The following GFPT1 variants were observed in gnomAD, a reference collection of about 807,000 sequenced individuals.
GFPT1 encodes glutamine--fructose-6-phosphate transaminase 1, also known as glutamine--fructose-6-phosphate aminotransferase [isomerizing] 1.
Under a neutral mutation model 92.0 loss-of-function variants are expected in GFPT1, and 40 were observed. The observed-to-expected ratio is 0.43, with a 90% CI of 0.34 to 0.57. The LOEUF is 0.57. Ranked by LOEUF, GFPT1 falls within the 20% of genes least tolerant of loss-of-function variation. GFPT1 has a pLI of 0.02. For synonymous variants in GFPT1, 269 were observed against 280.6 expected, an observed-to-expected ratio of 0.96 and a Z score of 0.41; for missense variants, 448 against 869.1, an observed-to-expected ratio of 0.52 and a Z score of 6.09.
chr2:69,359,342 G>C lies in GFPT1; in HGVS notation c.350-16C>G. On this transcript the variant is annotated splice_polypyrimidine_tract_variant and intron_variant, in intron 4 of 19. Transcript: ENST00000357308. ...ACGATAAATTCTAAAAGAGGTAAAAGTGTTGAAGACAAAAAAGTTAGAAGT... is the reference window on the plus strand; with the variant it reads ...ACGATAAATTCTAAAAGAGGTAAAACTGTTGAAGACAAAAAAGTTAGAAGT... 6.9e-7 allele frequency: 1 copy of C among 1,452,704 alleles called. No homozygotes were observed. The highest frequency in any genetic ancestry group is 9.7e-7 in the Non-Finnish European group (1 of 1,034,734). The allele number at this position is 1,452,704 out of a possible 1,614,324, so 90.0% of individuals were successfully genotyped here. A position where few individuals can be genotyped will look rare whatever the true frequency, so the allele number is the denominator to read the frequency against.
intron 1 of GFPT1, among the ~76,000 whole-genome samples, chr2:69,379,343 G>A (rs1323366590): frequency 6.6e-6 from 1 of 152,046 alleles, no homozygotes; most frequent in Non-Finnish European, 1.5e-5. Context: ...GGGCAATACA[G>A]GGAGACCCTG....
intron 15 of GFPT1, among the ~76,000 whole-genome samples, chr2:69,337,191 G>C (rs66780037): frequency 0.38 from 57,747 of 151,128 alleles, 11,297 homozygotes; most frequent in Middle Eastern, 0.43. Context: ...CAGCCTCCCG[G>C]GTATGCTGGG....
chr2:69,352,961 G>T (rs923724408), intron 9 of GFPT1, among the ~76,000 whole-genome samples: 1 of 152,072 alleles, frequency 6.6e-6, no homozygotes, highest in African/African-American at 2.4e-5. Flanking sequence ...CATGAGACTC[G>T]CTTGAACCCG....
chr2:69,380,136 G>A (rs1046665764), intron 1 of GFPT1, among the ~76,000 whole-genome samples: 1 of 151,898 alleles, frequency 6.6e-6, no homozygotes, highest in Non-Finnish European at 1.5e-5. Context: ...TCAGGAGTTC[G>A]AGATCAGCCT....
rs139605339 is a variant in GFPT1 at position 69,327,757 on chromosome 2, C to G, written c.1893+514G>C. On this transcript the variant is annotated intron_variant, in intron 18 of 19. Coordinates refer to ENST00000357308, the MANE Select transcript of GFPT1 (RefSeq NM_001244710.2). ...GGATGTGGAGACCAAGACCTCAGTTCTGGTCTTGGTTCTGCCCAATATGAG... is the reference window on the plus strand; with the variant it reads ...GGATGTGGAGACCAAGACCTCAGTTGTGGTCTTGGTTCTGCCCAATATGAG... 5.4e-3 allele frequency among the ~76,000 whole-genome samples: 824 copies of G among 152,258 alleles called. 6 individuals are homozygous for G. The highest frequency in any genetic ancestry group is 0.019 in the African/African-American group (790 of 41,550).
intron 12 of GFPT1, among the ~76,000 whole-genome samples, chr2:69,345,252 A>G (rs1671056010): frequency 6.6e-6 from 1 of 152,070 alleles, no homozygotes; most frequent in African/African-American, 2.4e-5. Flanking sequence ...GCAAAACTCC[A>G]TCCTAAAAAA....
At chr2:69,345,653 C>A (rs929262256) in intron 12 of GFPT1, among the ~76,000 whole-genome samples, 10 of 152,178 alleles carry the variant, frequency 6.6e-5, no homozygotes, top group African/African-American at 2.2e-4. Flanking sequence ...CAGTGACTCC[C>A]CATTTCCCCT....
chr2:69,366,161 T>C (rs1287457650), intron 3 of GFPT1, among the ~76,000 whole-genome samples: 1 of 152,208 alleles, frequency 6.6e-6, no homozygotes, highest in Non-Finnish European at 1.5e-5. Context: ...AGTATCTCCT[T>C]GCACATGCTG....
chr2:69,374,146 T>A (rs779228228), intron 1 of GFPT1, 33 bp from the exon 2 acceptor site: 2 of 1,081,232 alleles, frequency 1.8e-6, no homozygotes, highest in East Asian at 4.8e-5. Flanking sequence ...TGAAAAATTC[T>A]GATTTAAAAA....
At chr2:69,385,626 G>A (rs1419201148) in intron 1 of GFPT1, among the ~76,000 whole-genome samples, 2 of 151,516 alleles carry the variant, frequency 1.3e-5, no homozygotes, top group Non-Finnish European at 2.9e-5. Context: ...TTGAGTACTT[G>A]ATGAGGCACA....
chr2:69,322,456 T>A lies in GFPT1; in HGVS notation c.*3733A>T, dbSNP rs917212710. On this transcript the variant is annotated 3_prime_UTR_variant, in exon 20 of 20. Coordinates refer to ENST00000357308, the MANE Select transcript of GFPT1 (RefSeq NM_001244710.2). ...TGTTAAAGCAAACATTTCAGTTGGT[T>A]TCCTTTCTTTGAAGAATAATAGAAA... The A allele has an allele frequency of 6.6e-6, 1 of 152,112 alleles. No homozygotes were observed. Among genetic ancestry groups the A allele is most frequent in the African/African-American group, 2.4e-5 (1 of 41,420 alleles). The allele number at this position is 152,112 out of a possible 1,614,324, so 9.4% of individuals were successfully genotyped here.
At chr2:69,365,324 T>C (rs530145649) in intron 3 of GFPT1, among the ~76,000 whole-genome samples, 131 of 152,022 alleles carry the variant, frequency 8.6e-4, no homozygotes, top group African/African-American at 3.1e-3. Context: ...CTGAAAAAAT[T>C]AGCTGGGCGT....
intron 3 of GFPT1, among the ~76,000 whole-genome samples, chr2:69,367,585 A>T (rs7589430): frequency 0.67 from 101,428 of 152,028 alleles, 35,488 homozygotes; most frequent in African/African-American, 0.9. Context: ...GGTCTCAAAC[A>T]CCAGAGCTCA....
chr2:69,360,907 G>C (rs988412106), intron 4 of GFPT1, among the ~76,000 whole-genome samples: 1 of 151,894 alleles, frequency 6.6e-6, no homozygotes, highest in Non-Finnish European at 1.5e-5. Context: ...GCTAATTTTT[G>C]TATTTTTAAT....
intron 3 of GFPT1, among the ~76,000 whole-genome samples, chr2:69,367,344 T>TTGTTG (rs1553392925): frequency 1.9e-4 from 28 of 150,360 alleles, no homozygotes; most frequent in African/African-American, 6.4e-4. Context: ...CAACTTATTT[T>TTGTTG]TTGTTGTTGT....
chr2:69,331,910 AT>A (rs1216003950), intron 15 of GFPT1, among the ~76,000 whole-genome samples: 1 of 152,124 alleles, frequency 6.6e-6, no homozygotes, highest in Non-Finnish European at 1.5e-5. Context: ...TGTCTCAAAT[AT>A]TTTTTCTCAT....
intron 7 of GFPT1, among the ~76,000 whole-genome samples, 160 bp from the exon 8 acceptor site, chr2:69,354,728 A>G (rs1213728576): frequency 2.0e-5 from 3 of 151,990 alleles, no homozygotes; most frequent in African/African-American, 7.3e-5. Flanking sequence ...TAAAAAAATC[A>G]GTATTGGGCC....
rs2104637969 is a variant in GFPT1, at chr2:69,349,492, A to C, written c.845+586T>G. ...TTTCTTATTTTTATTATTTTCTCTT[A>C]TTTTCAGGTACAGTGGATGACTCAA... On this transcript the variant is annotated intron_variant, in intron 10 of 19. Coordinates refer to ENST00000357308, the MANE Select transcript of GFPT1 (RefSeq NM_001244710.2). 3.3e-5 allele frequency among the ~76,000 whole-genome samples: 5 copies of C among 152,070 alleles called. No homozygotes were observed. In the Middle Eastern group the frequency reaches 0.014, roughly 417 times the overall value.
At chr2:69,355,473 TCTTTTACTTATTTTCTGCAG>T (rs1490407895) in intron 7 of GFPT1, among the ~76,000 whole-genome samples, 1 of 152,170 alleles carries the variant, frequency 6.6e-6, no homozygotes, top group East Asian at 1.9e-4. Flanking sequence ...CCATGCCCAT[TCTTTTACTTATTTTCTGCAG>T]CTGCTTTCAC....
Sources: allele counts gnomAD v4.1 joint callset (sites outside exome capture counted in the v4.1 genomes callset), GRCh38; gene constraint gnomAD v4.1.1; transcripts MANE v1.5; gene names NCBI Gene and HGNC (gene_info 2026-07-23, HGNC 2026-07-21).